ARMH3: variants seen among roughly 807,000 people sequenced by gnomAD.
The protein encoded by ARMH3 is armadillo like helical domain containing 3, also known as armadillo-like helical domain-containing protein 3.
A neutral mutation model predicts 99.1 loss-of-function variants in ARMH3; 60 were observed. The ratio of observed to expected loss-of-function variants is 0.61; its 90% CI spans 0.49 to 0.75. The LOEUF (loss-of-function observed/expected upper bound fraction) is 0.75. Ranked by LOEUF, ARMH3 falls within the 30% of genes least tolerant of loss-of-function variation. ARMH3 has a pLI of 0.00. For synonymous variants in ARMH3, 285 were observed against 292.8 expected (o/e 0.97, Z 0.27); for missense variants, 679 against 843.1 (o/e 0.81, Z 2.41).
intron 24 of ARMH3, among the ~76,000 whole-genome samples, chr10:101,853,842 C>T (rs1044027457): frequency 1.3e-5 from 2 of 152,182 alleles, no homozygotes; most frequent in African/African-American, 4.8e-5. Flanking sequence ...TGACCAGGCA[C>T]GATGGCTCAT....
At chr10:101,858,104 C>T (rs1434982276) in intron 24 of ARMH3, among the ~76,000 whole-genome samples, 1 of 152,214 alleles carries the variant, frequency 6.6e-6, no homozygotes, top group Non-Finnish European at 1.5e-5. Context: ...CCCTAAAACC[C>T]ATATTCTTCC....
intron 24 of ARMH3, among the ~76,000 whole-genome samples, chr10:101,867,028 G>A (rs1022948280): frequency 8.5e-5 from 13 of 152,204 alleles, no homozygotes; most frequent in Admixed American, 2.0e-4. Flanking sequence ...GAAAGTGACC[G>A]ACAAGATTTA....
intron 19 of ARMH3, among the ~76,000 whole-genome samples, chr10:101,985,074 T>TACACACACAC (rs766381815): frequency 5.3e-4 from 35 of 65,892 alleles, no homozygotes; most frequent in African/African-American, 1.5e-3. Context: ...TCTAAAAATA[T>TACACACACAC]ATATACACAC....
At chr10:101,919,505 T>G (rs577824004) in intron 23 of ARMH3, among the ~76,000 whole-genome samples, 4 of 152,260 alleles carry the variant, frequency 2.6e-5, no homozygotes, top group Admixed American at 2.0e-4. Context: ...CTCGCTGACT[T>G]TATTTCTCTC....
At chr10:102,006,371 T>C (rs2066487659) in intron 14 of ARMH3, among the ~76,000 whole-genome samples, 169 bp downstream of exon 14, 1 of 152,204 alleles carries the variant, frequency 6.6e-6, no homozygotes, top group African/African-American at 2.4e-5. Flanking sequence ...TGGACTGTCT[T>C]TTTCCAAAGT....
intron 23 of ARMH3, among the ~76,000 whole-genome samples, chr10:101,895,933 A>G (rs186144780): frequency 9.2e-5 from 14 of 152,330 alleles, no homozygotes; most frequent in Non-Finnish European, 1.2e-4. Flanking sequence ...CAAAACCACA[A>G]TGAGATACCA....
rs143438220 is a variant in ARMH3, at chr10:101,889,624, T to G, written c.1782-134A>C. The G allele has an allele frequency of 4.1e-5, 33 of 797,544 alleles. No homozygotes were observed. The East Asian group carries it at 8.1e-4, about 20-fold the overall frequency. The allele number at this position is 797,544 out of a possible 1,614,324, so 49.4% of individuals were successfully genotyped here. ...CGATTGTGACTGGGTAACTTCCTCT[T>G]ATTGAACATGAGGTAGTCACAAATG... On this transcript the variant is annotated intron_variant, in intron 23 of 25. Coordinates refer to ENST00000370033, the MANE Select transcript of ARMH3 (RefSeq NM_024541.3).
chr10:101,889,318 A>G, intron 24 of ARMH3, 94 bp downstream of exon 24: 7 of 1,273,360 alleles, frequency 5.5e-6, no homozygotes, highest in Non-Finnish European at 8.0e-6. Flanking sequence ...CACTACCACA[A>G]AAGCTCAGTC....
intron 20 of ARMH3, among the ~76,000 whole-genome samples, chr10:101,963,453 T>C (rs563050930): frequency 6.6e-6 from 1 of 152,284 alleles, no homozygotes; most frequent in South Asian, 2.1e-4. Context: ...GTATTTTTAG[T>C]AGAGACGGGG....
intron 24 of ARMH3, among the ~76,000 whole-genome samples, chr10:101,877,220 T>C (rs1369875447): frequency 6.6e-6 from 1 of 152,028 alleles, no homozygotes; most frequent in Non-Finnish European, 1.5e-5. Context: ...GGAGGACTGC[T>C]TGAGTCCGGG....
chr10:101,997,600 A>G (rs549394523), intron 15 of ARMH3, among the ~76,000 whole-genome samples: 2 of 152,254 alleles, frequency 1.3e-5, no homozygotes, highest in Admixed American at 1.3e-4. Context: ...CAAAAAAAAA[A>G]AAAAAATTCT....
intron 23 of ARMH3, among the ~76,000 whole-genome samples, chr10:101,895,295 T>C (rs564944230): frequency 1.3e-5 from 2 of 151,550 alleles, no homozygotes; most frequent in African/African-American, 4.8e-5. Context: ...TTTTTTTTTT[T>C]TCGAGAGGGC....
chr10:101,937,697 T>C (rs1844050791), intron 23 of ARMH3, among the ~76,000 whole-genome samples: 1 of 151,998 alleles, frequency 6.6e-6, no homozygotes, highest in Non-Finnish European at 1.5e-5. Context: ...TTAAAGAAGG[T>C]AGCATAAGAA....
intron 22 of ARMH3, among the ~76,000 whole-genome samples, chr10:101,944,299 G>T (rs1384927492): frequency 3.8e-4 from 48 of 127,450 alleles, no homozygotes; most frequent in East Asian, 1.1e-3. Context: ...GAGAGAGAGA[G>T]AGAGAGAGAG....
At chr10:101,970,427 T>C (rs149297917) in intron 20 of ARMH3, among the ~76,000 whole-genome samples, 63 of 152,314 alleles carry the variant, frequency 4.1e-4, no homozygotes, top group South Asian at 1.4e-3. Context: ...AAACACAACA[T>C]TGTGCTGCTT....
At chr10:101,952,210 A>G (rs1844823698) in intron 22 of ARMH3, among the ~76,000 whole-genome samples, 1 of 152,184 alleles carries the variant, frequency 6.6e-6, no homozygotes, top group Non-Finnish European at 1.5e-5. Context: ...CACAGCAAAC[A>G]CTACCTTAAC....
chr10:102,050,788 T>C (rs576067540), intron 1 of ARMH3, among the ~76,000 whole-genome samples: 19 of 142,948 alleles, frequency 1.3e-4, no homozygotes, highest in Admixed American at 5.0e-4. Context: ...ACCTGGGAGG[T>C]AGAGGTTGCG....
At chr10:102,040,168 G>T in intron 1 of ARMH3, 43 bp from the exon 2 acceptor site, 1 of 1,464,732 alleles carries the variant, frequency 6.8e-7, no homozygotes, top group Non-Finnish European at 9.6e-7. Flanking sequence ...AAAATACTCA[G>T]TATGATACTA....
rs368299519 is a variant in ARMH3 at position 101,871,713 on chromosome 10, C to T, written c.1860+17699G>A. On this transcript the variant is annotated intron_variant, in intron 24 of 25. Coordinates refer to ENST00000370033, the MANE Select transcript of ARMH3 (RefSeq NM_024541.3). ...ATTACAAAACTTACAGAAGAAAATA[C>T]AACGAGGCCGGGTACAGTGGCTCAC... 3.3e-5 allele frequency among the ~76,000 whole-genome samples: 5 copies of T among 152,096 alleles called. No homozygotes were observed. The East Asian group carries it at 9.6e-4, about 29-fold the overall frequency.
Sources: allele counts gnomAD v4.1 joint callset (sites outside exome capture counted in the v4.1 genomes callset), GRCh38; gene constraint gnomAD v4.1.1; transcripts MANE v1.5; gene names NCBI Gene and HGNC (gene_info 2026-07-23, HGNC 2026-07-21).